Variants in CBARP observed in about 807,000 individuals in gnomAD.
CBARP encodes the protein CACN subunit beta associated regulatory protein.
Under a neutral mutation model 36.3 loss-of-function variants are expected in CBARP, and 24 were observed. The ratio of observed to expected loss-of-function variants is 0.66; its 90% CI spans 0.48 to 0.93. CBARP has a LOEUF of 0.93. CBARP is among the 40% of genes least tolerant of loss of function. The probability of loss-of-function intolerance (pLI) is 0.00; values close to 1 mark genes in which losing one functional copy is unlikely to be tolerated. For synonymous variants in CBARP, 586 were observed against 453.2 expected, an observed-to-expected ratio of 1.29 and a Z score of -3.72; for missense variants, 1,146 against 980.4, an observed-to-expected ratio of 1.17 and a Z score of -2.26.
chr19:1,230,566 C>T, intron 9 of CBARP: 3 of 1,112,242 alleles, frequency 2.7e-6, no homozygotes, highest in Non-Finnish European at 3.3e-6. Flanking sequence ...AGCAGGAGGA[C>T]AGTGCACAGA....
At chr19:1,233,686 G>A (rs374122845) in intron 7 of CBARP, 50 bp from the exon 8 acceptor site, 573 of 1,529,952 alleles carry the variant, frequency 3.7e-4, no homozygotes, top group Middle Eastern at 1.4e-3. Flanking sequence ...TCCTGGGCCC[G>A]TGTGCTGGCC....
At position 1,236,126 on chromosome 19, in the gene CBARP, G is replaced by T. The variant is rs767329783; in HGVS notation, c.-21-5C>A. On this transcript the variant is annotated splice_region_variant and splice_polypyrimidine_tract_variant and intron_variant, in intron 1 of 9. Coordinates refer to ENST00000650044, the MANE Select transcript of CBARP (RefSeq NM_001393918.1). ...TCTGAACTGGGGAGGAGGGCCCTGTGGGGAGGAAGCCTGGTCAGCTCCAGC... is the reference window on the plus strand; with the variant it reads ...TCTGAACTGGGGAGGAGGGCCCTGTTGGGAGGAAGCCTGGTCAGCTCCAGC... 8.4e-5 allele frequency: 119 copies of T among 1,418,694 alleles called. No individual in the cohort carries two copies. Among genetic ancestry groups the T allele is most frequent in the Non-Finnish European group, 1.0e-4 (111 of 1,090,242 alleles). 87.9% of individuals were successfully genotyped at this position (1,418,694 alleles called of 1,614,324 possible). A position where few individuals can be genotyped will look rare whatever the true frequency, so the allele number is the denominator to read the frequency against.
At chr19:1,235,235 AGGGAGGGCTGGGGCCGCGGCACGGGC>A (rs1414428657) in intron 4 of CBARP, 90 bp from the exon 5 acceptor site, 14 of 1,335,676 alleles carry the variant, frequency 1.0e-5, no homozygotes, top group African/African-American at 3.1e-5. Flanking sequence ...CGGCCACGGC[AGGGAGGGCTGGGGCCGCGGCACGGGC>A]GGCCGGGCTG....
chr19:1,237,982 C>T lies in CBARP; in HGVS notation c.-248G>A, dbSNP rs967710004. 5 of 146,998 alleles carry T rather than the reference C, an allele frequency of 3.4e-5. No individual in the cohort carries two copies. Among genetic ancestry groups the T allele is most frequent in the Non-Finnish European group, 7.6e-5 (5 of 66,044 alleles). The allele number at this position is 146,998 out of a possible 1,614,324, so 9.1% of individuals were successfully genotyped here. On this transcript the variant is annotated 5_prime_UTR_variant, in exon 1 of 10. Transcript: ENST00000650044. ...GCTGCCCGGTCCCCGGCCCGCCGCC[C>T]CCGCTGCGCTCGCCGCTGGGTCTGG...
Position 1,229,298 on chromosome 19 carries a change from C to T in CBARP, c.1999G>A (p.Asp667Asn). 2 of 1,258,336 alleles carry T rather than the reference C, an allele frequency of 1.6e-6. No homozygotes were observed. The highest frequency in any genetic ancestry group is 2.0e-6 in the Non-Finnish European group (2 of 977,826). The allele number at this position is 1,258,336 out of a possible 1,614,324, so 77.9% of individuals were successfully genotyped here. A position where few individuals can be genotyped will look rare whatever the true frequency, so the allele number is the denominator to read the frequency against. The change falls in exon 10 of 10, where the codon GAC (aspartate) becomes AAC (asparagine). Residue 667 changes from aspartate to asparagine, a missense_variant. Coordinates refer to ENST00000650044, the MANE Select transcript of CBARP (RefSeq NM_001393918.1). The surrounding 1 kb of genome is among the most constrained non-coding windows in gnomAD (Gnocchi z 5.1). The stretch of plus-strand genomic sequence containing the variant: ...TCGTCGAGGCCAGCCGCCAGCTTGT[C>T]CAGCACCGACCCGGATGGTAGGACG... ...LCVLPSGSVLDKLAAGLDERL... is the reference protein window; with the variant it reads ...LCVLPSGSVLNKLAAGLDERL...
At chr19:1,233,756 G>A in intron 7 of CBARP, 120 bp from the exon 8 acceptor site, 1 of 1,003,076 alleles carries the variant, frequency 1.0e-6, no homozygotes, top group Middle Eastern at 3.3e-4. Flanking sequence ...GGACAGAGAG[G>A]GGTACCTGCT....
chr19:1,233,346 C>T, intron 8 of CBARP, 80 bp downstream of exon 8: 1 of 1,374,126 alleles, frequency 7.3e-7, no homozygotes, highest in Non-Finnish European at 9.9e-7. Flanking sequence ...CAACCTCCTG[C>T]TCCTGGATGT....
intron 9 of CBARP, chr19:1,230,615 C>A: frequency 8.2e-7 from 1 of 1,222,716 alleles, no homozygotes. Context: ...GCCCCAGGAA[C>A]CCTGCTCTGC....
chr19:1,235,990 AC>A lies in CBARP; in HGVS notation c.105+5del. The A allele has an allele frequency of 6.4e-7, 1 of 1,569,454 alleles. No individual in the cohort carries two copies. On this transcript the variant is annotated splice_donor_5th_base_variant and intron_variant, in intron 2 of 9. Transcript: ENST00000650044. ...CCTGCCCCTCCCACCTGTCCCCTGC[AC>A]CCACCGTGGGGCGTCCAGTGGCATT...
At chr19:1,230,992 G>C (rs2080882641) in intron 9 of CBARP, 109 bp downstream of exon 9, 2 of 1,550,720 alleles carry the variant, frequency 1.3e-6, no homozygotes, top group African/African-American at 2.7e-5. Flanking sequence ...AGGCAGGCGA[G>C]CGCGTGTCCA....
intron 9 of CBARP, chr19:1,230,703 G>C (rs2080878317): frequency 3.1e-6 from 4 of 1,281,642 alleles, no homozygotes; most frequent in Admixed American, 7.4e-5. Flanking sequence ...TTGGGGGAGG[G>C]GTGCTGCTGG....
chr19:1,235,389 G>T, intron 4 of CBARP, 112 bp downstream of exon 4: 3 of 1,257,770 alleles, frequency 2.4e-6, no homozygotes, highest in Non-Finnish European at 3.3e-6. Flanking sequence ...GCTGCGCCCA[G>T]TCTGGTGGGG....
At position 1,229,697 on chromosome 19, in the gene CBARP, G is replaced by A; in HGVS notation, c.1600C>T (p.Arg534Cys). Reference protein sequence around the residue: ...ARPRSPRAWPRRPRRDYSIDE... With the variant: ...ARPRSPRAWPCRPRRDYSIDE... ...ATGCTGTAGTCGCGGCGCGGGCGGC[G>A]GGGCCAGGCGCGCGGGCTGCGGGGC... Residue 534 changes from arginine (R) to cysteine (C), a missense_variant, in exon 10 of 10, where the codon CGC (arginine) becomes TGC (cysteine). Arg to Cys is a radical substitution (Grantham distance 180). Coordinates refer to ENST00000650044, the MANE Select transcript of CBARP (RefSeq NM_001393918.1). This position sits in a 1 kb window ranked among gnomAD's most constrained non-coding sequence, Gnocchi z 5.1. 1.9e-6 allele frequency: 2 copies of A among 1,026,676 alleles called. No homozygotes were observed. The highest frequency in any genetic ancestry group is 2.7e-5 in the South Asian group (1 of 37,726). 63.6% of individuals were successfully genotyped at this position (1,026,676 alleles called of 1,614,324 possible). A position where few individuals can be genotyped will look rare whatever the true frequency, so the allele number is the denominator to read the frequency against.
rs570702173 is a variant in CBARP, at chr19:1,230,175, C to T, written c.1155-33G>A. On this transcript the variant is annotated intron_variant, in intron 9 of 9. Coordinates refer to ENST00000650044, the MANE Select transcript of CBARP (RefSeq NM_001393918.1). ...CCAGGCCGCGCCGTCAGAGCCCCGC[C>T]GAGCCCCGCGCCCCCTACCCGGCCG... 1.4e-3 allele frequency: 1,400 copies of T among 998,072 alleles called. 11 individuals carry two copies. The highest frequency in any genetic ancestry group is 1.4e-3 in the Non-Finnish European group (1,195 of 837,508). The allele number at this position is 998,072 out of a possible 1,614,324, so 61.8% of individuals were successfully genotyped here.
intron 8 of CBARP, among the ~76,000 whole-genome samples, chr19:1,232,928 C>T (rs1392379882): frequency 1.3e-5 from 2 of 152,250 alleles, no homozygotes; most frequent in African/African-American, 2.4e-5. Context: ...TAGAGGAAGT[C>T]AGAGCCCAGA....
chr19:1,230,117 C>G lies in CBARP; in HGVS notation c.1180G>C (p.Gly394Arg). The G allele has an allele frequency of 1.9e-6, 2 of 1,050,592 alleles. No individual in the cohort carries two copies. Among genetic ancestry groups the G allele is most frequent in the African/African-American group, 1.7e-5 (1 of 57,676 alleles). 65.1% of individuals were successfully genotyped at this position (1,050,592 alleles called of 1,614,324 possible). A position where few individuals can be genotyped will look rare whatever the true frequency, so the allele number is the denominator to read the frequency against. Residue 394 changes from glycine to arginine, a missense_variant, in exon 10 of 10, where the codon GGA (glycine) becomes CGA (arginine). Coordinates refer to ENST00000650044, the MANE Select transcript of CBARP (RefSeq NM_001393918.1). The part of the protein sequence containing the change: ...GRLEAAEAAG[G>R]ASPDSPPERG... ...TCCGGGGGGGAATCGGGGCTCGCTCCTCCCGCTGCCTCGGCCGCCTCTAGC... is the reference window on the plus strand; with the variant it reads ...TCCGGGGGGGAATCGGGGCTCGCTCGTCCCGCTGCCTCGGCCGCCTCTAGC...
rs965275706 is a variant in CBARP at position 1,229,420 on chromosome 19, G to A, written c.1877C>T (p.Pro626Leu). The change falls in exon 10 of 10, where the codon CCC becomes CTC. Residue 626 changes from proline (P) to leucine (L), a missense_variant. Pro to Leu is a moderately conservative substitution (Grantham distance 98). Transcript: ENST00000650044. The surrounding 1 kb of genome is among the most constrained non-coding windows in gnomAD (Gnocchi z 5.1). ...GGCGCCGCCCAGGGTGCGACCGTCG[G>A]GCGGGCCGTCCACGCTGTCGCCGCG... ...LRRGDSVDGP[P>L]DGRTLGGAGD... The A allele has an allele frequency of 9.9e-7, 1 of 1,012,534 alleles. No individual in the cohort carries two copies. Among genetic ancestry groups the A allele is most frequent in the African/African-American group, 1.8e-5 (1 of 56,796 alleles). The allele number at this position is 1,012,534 out of a possible 1,614,324, so 62.7% of individuals were successfully genotyped here. A position where few individuals can be genotyped will look rare whatever the true frequency, so the allele number is the denominator to read the frequency against.
At chr19:1,237,734 GC>G (rs1222386604) in intron 1 of CBARP, 21 bp downstream of exon 1, 1 of 149,628 alleles carries the variant, frequency 6.7e-6, no homozygotes, top group Non-Finnish European at 1.5e-5. Flanking sequence ...GCCCCCCGCA[GC>G]CCCGAGCCCG....
At position 1,235,909 on chromosome 19, in the gene CBARP, C is replaced by G. The variant is rs1162487647; in HGVS notation, c.115G>C (p.Asp39His). The change falls in exon 3 of 10, where the codon GAC (aspartate) becomes CAC (histidine). Residue 39 changes from aspartate to histidine, a missense_variant. Coordinates refer to ENST00000650044, the MANE Select transcript of CBARP (RefSeq NM_001393918.1). ...NATGRPTAEP[D>H]PILDNYVLLV... ...AGCACGTAGTTGTCCAGGATGGGGT[C>G]TGGCTCTGCCTGCGGGTGTGCAGGG... The G allele has an allele frequency of 6.2e-7, 1 of 1,611,440 alleles. No individual in the cohort carries two copies.
Sources: gnomAD v4.1 joint callset for allele counts (sites outside exome capture counted in the v4.1 genomes callset) on GRCh38, gnomAD v4.1.1 for gene constraint, Gnocchi (gnomAD v3.1) non-coding constraint, MANE v1.5 for transcripts, NCBI Gene and HGNC (gene_info 2026-07-23, HGNC 2026-07-21) for gene names.